SH3TC1: variants seen among roughly 807,000 people sequenced by gnomAD.
SH3TC1 encodes the protein SH3 domain and tetratricopeptide repeat-containing protein 1.
SH3TC1 carries 135 observed loss-of-function variants against 117.3 expected under a neutral mutation model. That is an observed-to-expected ratio of 1.15 (90% CI 1.00 to 1.33). The LOEUF (loss-of-function observed/expected upper bound fraction) is 1.33. Among genes scored for constraint, SH3TC1 ranks in the 40% most tolerant of loss-of-function variants. The pLI, the probability that SH3TC1 is intolerant of heterozygous loss-of-function variation, is 0.00. For missense variants in SH3TC1, 2,092 were observed against 1,794.3 expected, an observed-to-expected ratio of 1.17 and a Z score of -3.00; for synonymous variants, 898 against 816.9, an observed-to-expected ratio of 1.10 and a Z score of -1.69.
chr4:8,185,630 T>A (rs1717198638), intron 1 of SH3TC1, among the ~76,000 whole-genome samples: 1 of 152,246 alleles, frequency 6.6e-6, no homozygotes, highest in South Asian at 2.1e-4. Flanking sequence ...GTCTCAGGGA[T>A]CTTTCCTTGT....
intron 17 of SH3TC1, among the ~76,000 whole-genome samples, chr4:8,238,395 G>A (rs1321716718): frequency 2.0e-5 from 3 of 152,184 alleles, no homozygotes; most frequent in African/African-American, 2.4e-5. Context: ...CGGCAGACTC[G>A]GATCTGGGAT....
chr4:8,192,174 A>G lies in SH3TC1; in HGVS notation c.-57+9964A>G, dbSNP rs1717438175. ...TCAGCTAATTTTTGTATTTTTTTTTATTAGAGATGGGATTTCACCATGTGG... is the reference window on the plus strand; with the variant it reads ...TCAGCTAATTTTTGTATTTTTTTTTGTTAGAGATGGGATTTCACCATGTGG... On this transcript the variant is annotated intron_variant, in intron 1 of 16. Transcript: ENST00000508641. This position sits in a 1 kb window ranked among gnomAD's most constrained non-coding sequence, Gnocchi z 4.1. 6.6e-6 allele frequency among the ~76,000 whole-genome samples: 1 copy of G among 150,758 alleles called. No homozygotes were observed. The highest frequency in any genetic ancestry group is 1.5e-5 in the Non-Finnish European group (1 of 67,802).
chr4:8,211,758 G>C (rs1050212018), intron 3 of SH3TC1, among the ~76,000 whole-genome samples: 1 of 151,982 alleles, frequency 6.6e-6, no homozygotes, highest in African/African-American at 2.4e-5. Context: ...GCCAACCTCA[G>C]ACATTGAGGA....
In SH3TC1 at chr4:8,227,401, G is replaced by A. The variant is rs1181876900; in HGVS notation, c.1707G>A (p.Leu569=). The change falls in exon 12 of 18, where the codon CTG becomes CTA. Residue 569 remains leucine, a synonymous_variant. Transcript: ENST00000245105. The part of the protein sequence containing the change: ...LARLCFLLGR[L]CSRRLKLSQA... ...GGCTCTGCTTCCTCCTGGGGCGGCT[G>A]TGCAGCAGGAGGCTCAAGCTGTCCC... The A allele has an allele frequency of 4.5e-6, 7 of 1,550,834 alleles. No individual in the cohort carries two copies. The South Asian group carries it at 4.9e-5, about 11-fold the overall frequency.
intron 7 of SH3TC1, 87 bp downstream of exon 7, chr4:8,217,254 A>G: frequency 6.6e-7 from 1 of 1,508,392 alleles, no homozygotes; most frequent in East Asian, 2.5e-5. Context: ...GGGGATGGAC[A>G]GGGAATGGTG....
intron 15 of SH3TC1, chr4:8,235,937 T>C: frequency 2.7e-6 from 1 of 369,638 alleles, no homozygotes; most frequent in Non-Finnish European, 4.9e-6. Context: ...CGGGGACGGC[T>C]TCCCCCTTCC....
intron 10 of SH3TC1, among the ~76,000 whole-genome samples, chr4:8,223,262 A>C (rs1390512726): frequency 6.6e-6 from 1 of 152,100 alleles, no homozygotes; most frequent in Non-Finnish European, 1.5e-5. Context: ...GGCGAGGGAG[A>C]GGGTATGGGT....
At chr4:8,204,809 G>C (rs879919941) in intron 1 of SH3TC1, 1 of 178,234 alleles carries the variant, frequency 5.6e-6, no homozygotes, top group Non-Finnish European at 1.2e-5. Context: ...CCGGGAGCAC[G>C]GTCTGTTGGG....
intron 1 of SH3TC1, among the ~76,000 whole-genome samples, chr4:8,202,388 C>T (rs1717896556): frequency 6.6e-6 from 1 of 152,242 alleles, no homozygotes. Context: ...TCCGCAGTTC[C>T]ACTCACGCTT....
At chr4:8,208,453 C>T (rs1299956512) in intron 2 of SH3TC1, among the ~76,000 whole-genome samples, 2 of 151,598 alleles carry the variant, frequency 1.3e-5, no homozygotes, top group Admixed American at 6.6e-5. Flanking sequence ...CTACAACCTC[C>T]GCCTCCTGGG....
Position 8,232,064 on chromosome 4 carries a change from G to C in SH3TC1, c.3039G>C (p.Gln1013His). The C allele has an allele frequency of 6.2e-7, 1 of 1,613,490 alleles. No individual in the cohort carries two copies. The highest frequency in any genetic ancestry group is 8.5e-7 in the Non-Finnish European group (1 of 1,180,018). ...EAQCVIYHELQLSLACKVADK... is the reference protein window; with the variant it reads ...EAQCVIYHELHLSLACKVADK... ...AGTGTGTCATCTACCATGAGCTCCA[G>C]CTCTCCCTGGCCTGCAAGGTGGCCG... The change falls in exon 13 of 18, where the codon CAG becomes CAC. Residue 1013 changes from glutamine to histidine, a missense_variant. Transcript: ENST00000245105.
At chr4:8,229,597 G>A (rs1164805155) in intron 12 of SH3TC1, among the ~76,000 whole-genome samples, 2 of 151,864 alleles carry the variant, frequency 1.3e-5, no homozygotes, top group Non-Finnish European at 2.9e-5. Flanking sequence ...GGGTTGGTTG[G>A]GTGCTGGATG....
intron 15 of SH3TC1, 104 bp from the exon 16 acceptor site, chr4:8,236,174 G>A (rs929033221): frequency 1.5e-5 from 20 of 1,357,896 alleles, no homozygotes; most frequent in Middle Eastern, 2.6e-4. Context: ...AGGCCCAGGG[G>A]TAGCTGGGGC....
rs766736931 is a variant in SH3TC1 at position 8,219,495 on chromosome 4, G to C, written c.1077G>C (p.Arg359=). Residue 359 remains arginine, a synonymous_variant, in exon 9 of 18, where the codon CGG becomes CGC. Coordinates refer to ENST00000245105, the MANE Select transcript of SH3TC1 (RefSeq NM_018986.5). ...HAASGRVGFV[R]SSLISMQGPV... ...CCTCGGGCCGGGTGGGGTTTGTGCG[G>C]AGCAGCCTCATCAGCATGCAGGGCC... 3.1e-6 allele frequency: 5 copies of C among 1,592,564 alleles called. No homozygotes were observed. Among genetic ancestry groups the C allele is most frequent in the Non-Finnish European group, 3.4e-6 (4 of 1,165,740 alleles).
At chr4:8,221,150 T>C (rs1719885833) in intron 9 of SH3TC1, among the ~76,000 whole-genome samples, 1 of 152,202 alleles carries the variant, frequency 6.6e-6, no homozygotes, top group South Asian at 2.1e-4. Flanking sequence ...GGATCCTTGG[T>C]CTAGCTGATC....
At chr4:8,226,487 T>G (rs1389713507) in intron 11 of SH3TC1, among the ~76,000 whole-genome samples, 3 of 152,238 alleles carry the variant, frequency 2.0e-5, no homozygotes, top group African/African-American at 7.2e-5. Flanking sequence ...GCATAGCAGC[T>G]TTTGAGCTGA....
At chr4:8,211,295 G>A (rs1371578750) in intron 3 of SH3TC1, among the ~76,000 whole-genome samples, 1 of 22,492 alleles carries the variant, frequency 4.4e-5, no homozygotes, top group East Asian at 1.9e-3. Flanking sequence ...TCCCCCTCCC[G>A]TTTTCTCCCT....
At chr4:8,187,703 C>A (rs1717271754) in intron 1 of SH3TC1, among the ~76,000 whole-genome samples, 1 of 152,052 alleles carries the variant, frequency 6.6e-6, no homozygotes, top group Non-Finnish European at 1.5e-5. Flanking sequence ...AGGCACGTGC[C>A]ACCGCGCCCA....
rs572271077 is a variant in SH3TC1, at chr4:8,199,579, C to T, written c.-29+174C>T. ...TCGGGGAGGTCGTCGGCACCCTCAGCAGACCCCACTCAGAGCTCACAGGTG... is the reference window on the plus strand; with the variant it reads ...TCGGGGAGGTCGTCGGCACCCTCAGTAGACCCCACTCAGAGCTCACAGGTG... On this transcript the variant is annotated intron_variant, in intron 1 of 17. Coordinates refer to ENST00000245105, the MANE Select transcript of SH3TC1 (RefSeq NM_018986.5). 4.5e-4 allele frequency among the ~76,000 whole-genome samples: 69 copies of T among 152,338 alleles called. 1 individual carries two copies. The highest frequency in any genetic ancestry group is 1.6e-3 in the African/African-American group (66 of 41,594).
Sources: allele counts gnomAD v4.1 joint callset (sites outside exome capture counted in the v4.1 genomes callset), GRCh38; gene constraint gnomAD v4.1.1; non-coding constraint Gnocchi (gnomAD v3.1); transcripts MANE v1.5; gene names NCBI Gene and HGNC (gene_info 2026-07-23, HGNC 2026-07-21).